TMEM200C: variants seen among roughly 807,000 people sequenced by gnomAD.
TMEM200C encodes the protein transmembrane protein TTMA.
For missense variants in TMEM200C, 966 were observed against 699.9 expected (o/e 1.38, Z -4.29); for synonymous variants, 462 against 324.7 (o/e 1.42, Z -4.55).
exon 3 of TMEM200C, chr18:5,885,215 C>T (rs1567884814): frequency 6.6e-6 from 1 of 151,944 alleles, no homozygotes; most frequent in African/African-American, 2.4e-5. Flanking sequence ...TTTCTTCCAC[C>T]CCTGGGCCTG....
In TMEM200C at chr18:5,891,421, C is replaced by T. The variant is rs1385617709; in HGVS notation, c.643G>A (p.Ala215Thr). Reference sequence around the variant, plus strand: ...GCCGCGGCGGCCGCCAGGTCTTTGGCGCGGAGGCTGTGCACGTCGATGACG... The same window carrying T: ...GCCGCGGCGGCCGCCAGGTCTTTGGTGCGGAGGCTGTGCACGTCGATGACG... Residue 215 changes from alanine (A) to threonine (T), a missense_variant, in exon 3 of 3, where the codon GCC becomes ACC. Physicochemically the swap from Ala to Thr is moderately conservative, Grantham distance 58. Transcript: ENST00000581347. This position sits in a 1 kb window ranked among gnomAD's most constrained non-coding sequence, Gnocchi z 4.7. 12 of 1,516,060 alleles carry T rather than the reference C, an allele frequency of 7.9e-6. No homozygotes were observed. Among genetic ancestry groups the T allele is most frequent in the Non-Finnish European group, 9.8e-6 (11 of 1,127,940 alleles). 93.9% of individuals were successfully genotyped at this position (1,516,060 alleles called of 1,614,324 possible).
rs2095171232 is a variant in TMEM200C, at chr18:5,891,635, G to C, written c.429C>G (p.Ser143=). 4 of 1,605,908 alleles carry C rather than the reference G, an allele frequency of 2.5e-6. No homozygotes were observed. The East Asian group carries it at 6.7e-5, about 27-fold the overall frequency. Residue 143 remains serine, a synonymous_variant, in exon 3 of 3, where the codon TCC becomes TCG. Transcript: ENST00000581347. The surrounding 1 kb of genome is among the most constrained non-coding windows in gnomAD (Gnocchi z 4.7). ...AGAAGCCCACGGACGTGGAGGAGGA[G>C]GACGGGGAGGCGGCTCGTGCTGGAG...
chr18:5,892,800 A>G (rs1302146083), intron 2 of TMEM200C, among the ~76,000 whole-genome samples: 1 of 152,242 alleles, frequency 6.6e-6, no homozygotes, highest in Non-Finnish European at 1.5e-5. Flanking sequence ...CCACTGGGGA[A>G]GCAGCAGAGA....
chr18:5,891,319 C>G lies in TMEM200C; in HGVS notation c.745G>C (p.Gly249Arg). Reference sequence around the variant, plus strand: ...CGCGACTGCACGTAGCTGAGGAAGCCGTTGAGCGGTATGGCCCCGGGGGGC... The same window carrying G: ...CGCGACTGCACGTAGCTGAGGAAGCGGTTGAGCGGTATGGCCCCGGGGGGC... Residue 249 changes from glycine to arginine, a missense_variant, in exon 3 of 3, where the codon GGC (glycine) becomes CGC (arginine). Coordinates refer to ENST00000581347, the Ensembl canonical transcript of TMEM200C. The surrounding 1 kb of genome is among the most constrained non-coding windows in gnomAD (Gnocchi z 4.7). 7.1e-7 allele frequency: 1 copy of G among 1,402,462 alleles called. No individual in the cohort carries two copies. Among genetic ancestry groups the G allele is most frequent in the Non-Finnish European group, 9.3e-7 (1 of 1,072,658 alleles). The allele number at this position is 1,402,462 out of a possible 1,614,324, so 86.9% of individuals were successfully genotyped here.
At chr18:5,890,820 C>G (rs1315504561) in exon 3 of TMEM200C, 5 of 674,590 alleles carry the variant, frequency 7.4e-6, no homozygotes, top group Non-Finnish European at 1.3e-5. Context: ...GAGCTCGCCC[C>G]TCGGGATCTC....
At chr18:5,890,110 A>G (rs1171458873) in exon 3 of TMEM200C, 21 of 1,288,700 alleles carry the variant, frequency 1.6e-5, no homozygotes, top group Non-Finnish European at 2.1e-5. Flanking sequence ...GGATCAGTCC[A>G]CAAAAGAAAC....
intron 2 of TMEM200C, among the ~76,000 whole-genome samples, chr18:5,893,299 G>GT (rs1011246421): frequency 2.0e-5 from 3 of 151,080 alleles, no homozygotes; most frequent in African/African-American, 7.4e-5. Context: ...GTTTTGTTTT[G>GT]TTTTTCCCCC....
chr18:5,884,078 T>G (rs1370382358), exon 3 of TMEM200C: 1 of 152,116 alleles, frequency 6.6e-6, no homozygotes, highest in Non-Finnish European at 1.5e-5. Flanking sequence ...TTTGAGCATT[T>G]TAATGCCAAA....
Position 5,891,261 on chromosome 18 carries a change from C to T in TMEM200C, c.803G>A (p.Gly268Asp). 7.2e-7 allele frequency: 1 copy of T among 1,396,882 alleles called. No individual in the cohort carries two copies. The highest frequency in any genetic ancestry group is 1.5e-5 in the South Asian group (1 of 65,846). 86.5% of individuals were successfully genotyped at this position (1,396,882 alleles called of 1,614,324 possible). Residue 268 changes from glycine to aspartate, a missense_variant, in exon 3 of 3, where the codon GGC becomes GAC. Transcript: ENST00000581347. This position sits in a 1 kb window ranked among gnomAD's most constrained non-coding sequence, Gnocchi z 4.7. ...CGCCGCTCCGAAGGCGTCCCCGGAG[C>T]CACCGCAGCCCCCGGGCTTCAGCTC...
intron 2 of TMEM200C, among the ~76,000 whole-genome samples, chr18:5,894,725 C>A (rs969028455): frequency 2.0e-5 from 3 of 152,158 alleles, no homozygotes; most frequent in African/African-American, 7.2e-5. Context: ...ACTGGCAGGG[C>A]GGCGACCCCC....
exon 3 of TMEM200C, chr18:5,885,088 G>A (rs1357283089): frequency 1.3e-5 from 2 of 152,098 alleles, no homozygotes; most frequent in Admixed American, 1.3e-4. Flanking sequence ...CAATTTTTAA[G>A]ACACTTTACA....
chr18:5,885,450 G>A (rs544016514), exon 3 of TMEM200C: 1 of 152,328 alleles, frequency 6.6e-6, no homozygotes, highest in African/African-American at 2.4e-5. Flanking sequence ...CAACAGCTAA[G>A]AGCCCATTTC....
chr18:5,891,858 A>G lies in TMEM200C; in HGVS notation c.206T>C (p.Met69Thr), dbSNP rs756602186. ...CTTGGGCCAGTAGCCCACCACCGCC[A>G]TGGCTATGCCCACCAGCAGCACCAG... The change falls in exon 3 of 3, where the codon ATG becomes ACG. Residue 69 changes from methionine to threonine, a missense_variant. Physicochemically the swap from Met to Thr is moderately conservative, Grantham distance 81. Transcript: ENST00000581347. This position sits in a 1 kb window ranked among gnomAD's most constrained non-coding sequence, Gnocchi z 4.7. 5 of 1,609,812 alleles carry G rather than the reference A, an allele frequency of 3.1e-6. No individual in the cohort carries two copies. Among genetic ancestry groups the G allele is most frequent in the Non-Finnish European group, 4.2e-6 (5 of 1,179,644 alleles).
intron 2 of TMEM200C, 100 bp downstream of exon 1, chr18:5,894,930 A>G (rs7505868): frequency 0.68 from 104,089 of 152,220 alleles, 37,346 homozygotes; most frequent in African/African-American, 0.9. Flanking sequence ...GGGCGCGGGG[A>G]CTCGGGGACC....
In TMEM200C at chr18:5,891,935, T is replaced by C. The variant is rs1157902029; in HGVS notation, c.129A>G (p.Lys43=). ...AGATGGAGCACAGCTTCAGCTTGCC[T>C]TTCACCACCACCACGTCGTTCTTGC... The change falls in exon 3 of 3, where the codon AAA becomes AAG. Residue 43 remains lysine (K), a synonymous_variant. Coordinates refer to ENST00000581347, the Ensembl canonical transcript of TMEM200C. This position sits in a 1 kb window ranked among gnomAD's most constrained non-coding sequence, Gnocchi z 4.7. The C allele has an allele frequency of 1.2e-6, 2 of 1,613,798 alleles. No individual in the cohort carries two copies. The highest frequency in any genetic ancestry group is 1.7e-6 in the Non-Finnish European group (2 of 1,179,892).
chr18:5,895,485 G>A (rs2095175193), intron 1 of TMEM200C: 1 of 149,600 alleles, frequency 6.7e-6, no homozygotes, highest in Non-Finnish European at 1.5e-5. Context: ...CTGTTGCTAA[G>A]AGACCGGAGC....
chr18:5,889,857 A>G (rs2144444423), exon 3 of TMEM200C: 1 of 181,404 alleles, frequency 5.5e-6, no homozygotes, highest in East Asian at 1.4e-4. Context: ...AAGTCGGAGT[A>G]AAGTGCACAG....
At chr18:5,884,342 T>G (rs1361544232) in exon 3 of TMEM200C, 1 of 152,148 alleles carries the variant, frequency 6.6e-6, no homozygotes, top group Non-Finnish European at 1.5e-5. Context: ...CTTTCCCAGC[T>G]TTTTGTACCT....
exon 3 of TMEM200C, chr18:5,890,273 G>C: frequency 6.3e-7 from 1 of 1,596,846 alleles, no homozygotes; most frequent in East Asian, 2.3e-5. Flanking sequence ...GTTTCTCCTT[G>C]TTTGTAAACT....
Sources: allele counts gnomAD v4.1 joint callset (sites outside exome capture counted in the v4.1 genomes callset), GRCh38; gene constraint gnomAD v4.1.1; non-coding constraint Gnocchi (gnomAD v3.1); transcripts MANE v1.5; gene names NCBI Gene and HGNC (gene_info 2026-07-23, HGNC 2026-07-21).